FANCC: variants seen among roughly 807,000 people sequenced by gnomAD.
The protein encoded by FANCC is FA complementation group C.
Under a neutral mutation model 71.3 loss-of-function variants are expected in FANCC, and 55 were observed. The observed-to-expected ratio is 0.77, with a 90% CI of 0.62 to 0.97. The LOEUF is 0.97. Among genes scored for constraint, FANCC ranks in the 50% least tolerant of loss-of-function variants. The pLI, the probability that FANCC is intolerant of heterozygous loss-of-function variation, is 0.00. For synonymous variants in FANCC, 275 were observed against 244.9 expected (o/e 1.12, Z -1.15); for missense variants, 678 against 670.9 (o/e 1.01, Z -0.12).
At position 95,172,056 on chromosome 9, in the gene FANCC, T is replaced by G. The variant is rs1564720359; in HGVS notation, c.437A>C (p.Tyr146Ser). Residue 146 changes from tyrosine (Y) to serine (S), a missense_variant, in exon 5 of 15, where the codon TAT becomes TCT. By Grantham distance (144) the Tyr-to-Ser change is moderately radical. Transcript: ENST00000289081. ...ACTCACATTTTTAAGCAAACCAGGA[T>G]AGTAATCTATAGGTGCATACCCAAG... ...QGLGYAPIDY[Y>S]PGLLKNMVLS... 1 of 1,607,680 alleles carries G rather than the reference T, an allele frequency of 6.2e-7. No homozygotes were observed. Among genetic ancestry groups the G allele is most frequent in the Non-Finnish European group, 8.5e-7 (1 of 1,174,322 alleles).
chr9:95,310,885 A>AAGC (rs1204394891), intron 1 of FANCC, among the ~76,000 whole-genome samples: 1 of 152,334 alleles, frequency 6.6e-6, no homozygotes, highest in African/African-American at 2.4e-5. Flanking sequence ...ATAAGGCAAT[A>AAGC]ATATGAACTG....
In FANCC at chr9:95,111,506, T is replaced by TAGAA; in HGVS notation, c.1282_1285dup (p.Tyr429PhefsTer7). On this transcript the variant is annotated frameshift_variant, in exon 13 of 15. Coordinates refer to ENST00000289081, the MANE Select transcript of FANCC (RefSeq NM_000136.3). LOFTEE classifies it high-confidence loss of function. ...CTGCCTCCCATCACGGGGGCCGTAGTAGAAGGCCAAGAGCCACAGCAGGGC... is the reference window on the plus strand; with the variant it reads ...CTGCCTCCCATCACGGGGGCCGTAGTAGAAAGAAGGCCAAGAGCCACAGCAGGGC... 6.2e-7 allele frequency: 1 copy of TAGAA among 1,613,984 alleles called. No homozygotes were observed. Among genetic ancestry groups the TAGAA allele is most frequent in the Non-Finnish European group, 8.5e-7 (1 of 1,180,028 alleles).
chr9:95,251,304 AATTTT>A (rs894879637), intron 1 of FANCC, among the ~76,000 whole-genome samples: 1 of 152,108 alleles, frequency 6.6e-6, no homozygotes, highest in Admixed American at 6.6e-5. Context: ...GAAGTAATTT[AATTTT>A]ATTTTTATGT....
At chr9:95,161,002 C>T (rs1193386362) in intron 6 of FANCC, among the ~76,000 whole-genome samples, 1 of 152,120 alleles carries the variant, frequency 6.6e-6, no homozygotes, top group African/African-American at 2.4e-5. Flanking sequence ...ATATATAATA[C>T]TGTAAAATGG....
intron 1 of FANCC, among the ~76,000 whole-genome samples, chr9:95,282,420 A>C (rs1006449597): frequency 6.6e-6 from 1 of 152,118 alleles, no homozygotes; most frequent in African/African-American, 2.4e-5. Flanking sequence ...ATGTCAGAGC[A>C]CCTAAATACA....
At chr9:95,172,701 A>G (rs1378083386) in intron 4 of FANCC, among the ~76,000 whole-genome samples, 1 of 152,228 alleles carries the variant, frequency 6.6e-6, no homozygotes, top group Non-Finnish European at 1.5e-5. Flanking sequence ...CTGTAAAAAG[A>G]AAAAAAGATT....
intron 14 of FANCC, among the ~76,000 whole-genome samples, chr9:95,103,127 GA>G (rs2071187922): frequency 1.3e-5 from 2 of 152,004 alleles, no homozygotes; most frequent in Admixed American, 1.3e-4. Flanking sequence ...ATACCACCCA[GA>G]CCCTGAGCGG....
intron 1 of FANCC, among the ~76,000 whole-genome samples, chr9:95,267,460 T>C (rs1424009456): frequency 2.0e-5 from 3 of 151,488 alleles, no homozygotes; most frequent in African/African-American, 7.3e-5. Flanking sequence ...CAGGGGAGAG[T>C]GTGCAGAGAG....
At chr9:95,189,674 C>T (rs529965212) in intron 4 of FANCC, among the ~76,000 whole-genome samples, 2 of 152,310 alleles carry the variant, frequency 1.3e-5, no homozygotes, top group East Asian at 3.9e-4. Context: ...GTGTGCTTTA[C>T]TAAATACATT....
chr9:95,136,661 C>G (rs1269219264), intron 7 of FANCC, among the ~76,000 whole-genome samples: 1 of 151,970 alleles, frequency 6.6e-6, no homozygotes, highest in Non-Finnish European at 1.5e-5. Context: ...TATTTTTTTT[C>G]TTGTAAAGAT....
intron 1 of FANCC, among the ~76,000 whole-genome samples, chr9:95,275,390 T>C (rs1832977322): frequency 6.6e-6 from 1 of 152,114 alleles, no homozygotes; most frequent in African/African-American, 2.4e-5. Flanking sequence ...TGTAGGGCCA[T>C]AAAACTATTC....
At chr9:95,294,659 C>A in intron 1 of FANCC, 4 of 1,589,278 alleles carry the variant, frequency 2.5e-6, no homozygotes, top group Non-Finnish European at 3.5e-6. Context: ...GGGTTTGAAA[C>A]CCTGGGGAGC....
chr9:95,110,180 C>T, intron 13 of FANCC: 6 of 909,720 alleles, frequency 6.6e-6, no homozygotes, highest in Non-Finnish European at 7.9e-6. Context: ...TAAAAAAGGA[C>T]CAAGTTAGCT....
At chr9:95,170,179 A>C (rs1209985512) in intron 6 of FANCC, among the ~76,000 whole-genome samples, 1 of 152,174 alleles carries the variant, frequency 6.6e-6, no homozygotes, top group Non-Finnish European at 1.5e-5. Context: ...TTCACCTCAC[A>C]ACCAAATCCA....
chr9:95,187,676 C>A (rs1242364426), intron 4 of FANCC, among the ~76,000 whole-genome samples: 1 of 151,922 alleles, frequency 6.6e-6, no homozygotes, highest in Non-Finnish European at 1.5e-5. Context: ...AGCCACAGAC[C>A]TGACTATAGC....
intron 9 of FANCC, among the ~76,000 whole-genome samples, chr9:95,126,108 G>C (rs753281359): frequency 6.6e-6 from 1 of 152,162 alleles, no homozygotes; most frequent in Non-Finnish European, 1.5e-5. Context: ...TTTCAGAAGA[G>C]TTCTGTTAAG....
At chr9:95,191,696 T>C (rs970122782) in intron 4 of FANCC, among the ~76,000 whole-genome samples, 10 of 152,118 alleles carry the variant, frequency 6.6e-5, no homozygotes, top group Non-Finnish European at 1.0e-4. Flanking sequence ...AGAACATGAT[T>C]CTACCAACCA....
intron 4 of FANCC, among the ~76,000 whole-genome samples, chr9:95,202,505 C>G (rs779729865): frequency 1.1e-4 from 17 of 152,236 alleles, no homozygotes; most frequent in Admixed American, 2.0e-4. Context: ...AGGAGTGAGG[C>G]AGCTTCCCAC....
chr9:95,195,221 A>C (rs1003457856), intron 4 of FANCC, among the ~76,000 whole-genome samples: 3 of 141,058 alleles, frequency 2.1e-5, no homozygotes, highest in African/African-American at 8.1e-5. Context: ...AAAAAAAAAA[A>C]CCAACTATGC....
Sources: allele counts gnomAD v4.1 joint callset (sites outside exome capture counted in the v4.1 genomes callset), GRCh38; gene constraint gnomAD v4.1.1; transcripts MANE v1.5; gene names NCBI Gene and HGNC (gene_info 2026-07-23, HGNC 2026-07-21).